KCNMB2: variants seen among roughly 807,000 people sequenced by gnomAD.
The protein encoded by KCNMB2 is potassium calcium-activated channel subfamily M regulatory beta subunit 2, also known as calcium-activated potassium channel subunit beta-2.
In KCNMB2, 9 loss-of-function variants were observed where a neutral mutation model predicts 24.5. That is an observed-to-expected ratio of 0.37 (90% confidence interval 0.22 to 0.64). The LOEUF is 0.64. Ranked by LOEUF, KCNMB2 falls within the 30% of genes least tolerant of loss-of-function variation. The pLI, the probability that KCNMB2 is intolerant of heterozygous loss-of-function variation, is 0.63. For missense variants in KCNMB2, 226 were observed against 284.3 expected, an observed-to-expected ratio of 0.79 and a Z score of 1.47; for synonymous variants, 109 against 104.4, an observed-to-expected ratio of 1.04 and a Z score of -0.27.
intron 1 of KCNMB2, among the ~76,000 whole-genome samples, chr3:178,701,067 T>C (rs997772659): frequency 1.3e-5 from 2 of 152,228 alleles, no homozygotes; most frequent in African/African-American, 4.8e-5. Context: ...CTAGGTTTTC[T>C]TCTAAGGTTT....
At chr3:178,611,887 A>G (rs1213709225) in intron 1 of KCNMB2, among the ~76,000 whole-genome samples, 1 of 152,082 alleles carries the variant, frequency 6.6e-6, no homozygotes, top group East Asian at 1.9e-4. Flanking sequence ...GTAGACACTG[A>G]TAGCTATAAA....
At chr3:178,777,825 G>A (rs112425893) in intron 1 of KCNMB2, among the ~76,000 whole-genome samples, 6 of 152,268 alleles carry the variant, frequency 3.9e-5, no homozygotes, top group African/African-American at 1.4e-4. Flanking sequence ...ATTCCATAAA[G>A]TATAAATAGT....
chr3:178,671,037 C>A (rs1171886263), intron 1 of KCNMB2, among the ~76,000 whole-genome samples: 4 of 152,108 alleles, frequency 2.6e-5, no homozygotes, highest in African/African-American at 9.7e-5. Context: ...CAGATTCAAT[C>A]TGATTCCTTC....
At chr3:178,563,463 TACC>T (rs556574759) in intron 1 of KCNMB2, among the ~76,000 whole-genome samples, 28 of 152,296 alleles carry the variant, frequency 1.8e-4, no homozygotes, top group Middle Eastern at 3.4e-3. Flanking sequence ...ACTTGGAGAC[TACC>T]AGGGTCCAGG....
At chr3:178,601,695 C>T (rs924164844) in intron 1 of KCNMB2, among the ~76,000 whole-genome samples, 4 of 152,106 alleles carry the variant, frequency 2.6e-5, no homozygotes, top group East Asian at 1.9e-4. Flanking sequence ...GGTGGCTTCT[C>T]GGATATTCTT....
At chr3:178,769,626 G>C (rs1712263058) in intron 1 of KCNMB2, among the ~76,000 whole-genome samples, 1 of 152,186 alleles carries the variant, frequency 6.6e-6, no homozygotes, top group South Asian at 2.1e-4. Flanking sequence ...TAAAAATGTT[G>C]ATTCTCCCCA....
intron 1 of KCNMB2, among the ~76,000 whole-genome samples, chr3:178,569,999 ACTC>A (rs1359010093): frequency 1.3e-5 from 2 of 151,640 alleles, no homozygotes; most frequent in East Asian, 3.9e-4. Flanking sequence ...TTATTTCTCT[ACTC>A]CTGGCACGGA....
At chr3:178,772,730 T>C (rs780506422) in intron 1 of KCNMB2, among the ~76,000 whole-genome samples, 8 of 152,224 alleles carry the variant, frequency 5.3e-5, no homozygotes, top group Non-Finnish European at 7.3e-5. Context: ...ATAACAGGTG[T>C]TCAATAAATA....
intron 1 of KCNMB2, among the ~76,000 whole-genome samples, chr3:178,543,134 G>T (rs907779866): frequency 6.6e-6 from 1 of 152,118 alleles, no homozygotes; most frequent in Non-Finnish European, 1.5e-5. Context: ...GGCATGTCAT[G>T]TCTCCAAATT....
intron 1 of KCNMB2, chr3:178,801,689 G>A (rs1350528911): frequency 6.6e-6 from 1 of 152,144 alleles, no homozygotes; most frequent in East Asian, 1.9e-4. Flanking sequence ...AGGTTGCAAA[G>A]CATTTACAAC....
rs556913339 is a variant in KCNMB2 at position 178,702,347 on chromosome 3, G to A, written c.-67-104996G>A. Among the ~76,000 whole-genome samples the A allele has an allele frequency of 5.8e-4, 87 of 150,678 alleles. 2 individuals carry two copies. Among genetic ancestry groups the A allele is most frequent in the African/African-American group, 2.0e-3 (81 of 40,982 alleles). On this transcript the variant is annotated intron_variant, in intron 1 of 4. Transcript: ENST00000452583. ...ACCTAATGTAAATGACAAGTTAATGGGTGCAGCACACCAACATGGCACATG... is the reference window on the plus strand; with the variant it reads ...ACCTAATGTAAATGACAAGTTAATGAGTGCAGCACACCAACATGGCACATG...
At chr3:178,626,288 T>G (rs1719115246) in intron 1 of KCNMB2, among the ~76,000 whole-genome samples, 1 of 152,218 alleles carries the variant, frequency 6.6e-6, no homozygotes, top group Admixed American at 6.5e-5. Context: ...AGCATTGATT[T>G]CTCATTTATG....
chr3:178,705,494 A>G (rs1217949565), intron 1 of KCNMB2, among the ~76,000 whole-genome samples: 1 of 152,180 alleles, frequency 6.6e-6, no homozygotes. Flanking sequence ...TCTTCAAGTA[A>G]TATAAATGAG....
chr3:178,614,283 A>ATATATGTATATGTG (rs1560131682), intron 1 of KCNMB2, among the ~76,000 whole-genome samples: 6 of 69,544 alleles, frequency 8.6e-5, no homozygotes, highest in African/African-American at 2.7e-4. Context: ...ATATATATAT[A>ATATATGTATATGTG]TATATATATA....
intron 1 of KCNMB2, among the ~76,000 whole-genome samples, chr3:178,595,673 C>A (rs1577036238): frequency 1.3e-5 from 2 of 152,042 alleles, no homozygotes; most frequent in South Asian, 4.1e-4. Flanking sequence ...TTGCTTTTCC[C>A]TTCCACCATA....
chr3:178,656,883 G>T (rs915522332), intron 1 of KCNMB2, among the ~76,000 whole-genome samples: 3 of 152,106 alleles, frequency 2.0e-5, no homozygotes, highest in Non-Finnish European at 2.9e-5. Context: ...TGTTTGTTGG[G>T]GCGGGGTAGG....
chr3:178,625,191 T>C (rs922588403), intron 1 of KCNMB2, among the ~76,000 whole-genome samples: 1 of 151,858 alleles, frequency 6.6e-6, no homozygotes, highest in African/African-American at 2.4e-5. Flanking sequence ...TTGGGGTCCC[T>C]GAAACAAGTG....
At chr3:178,624,084 G>A (rs111601535) in intron 1 of KCNMB2, among the ~76,000 whole-genome samples, 5 of 152,112 alleles carry the variant, frequency 3.3e-5, no homozygotes, top group African/African-American at 1.2e-4. Flanking sequence ...ATTCCCAGGC[G>A]GTTAGCTAAC....
intron 1 of KCNMB2, among the ~76,000 whole-genome samples, chr3:178,706,336 C>T (rs1262141853): frequency 2.6e-5 from 4 of 152,052 alleles, no homozygotes; most frequent in Non-Finnish European, 5.9e-5. Flanking sequence ...CAGGGAGGAC[C>T]TCCCCACACA....
Sources: gnomAD v4.1 joint callset for allele counts (sites outside exome capture counted in the v4.1 genomes callset) on GRCh38, gnomAD v4.1.1 for gene constraint, MANE v1.5 for transcripts, NCBI Gene and HGNC (gene_info 2026-07-23, HGNC 2026-07-21) for gene names.